The following ANKS1B variants were observed in gnomAD, a reference collection of about 807,000 sequenced individuals.
ANKS1B encodes the protein ankyrin repeat and sterile alpha motif domain containing 1B.
Under a neutral mutation model 148.3 loss-of-function variants are expected in ANKS1B, and 36 were observed. The ratio of observed to expected loss-of-function variants is 0.24; its 90% confidence interval spans 0.19 to 0.32. ANKS1B has a LOEUF of 0.32. ANKS1B is among the 10% of genes least tolerant of loss of function. ANKS1B has a pLI of 1.00. For synonymous variants in ANKS1B, 542 were observed against 560.8 expected, an observed-to-expected ratio of 0.97 and a Z score of 0.47; for missense variants, 1,157 against 1,542.6, an observed-to-expected ratio of 0.75 and a Z score of 4.19.
chr12:99,124,473 T>A (rs1398619785), intron 15 of ANKS1B, among the ~76,000 whole-genome samples: 4 of 149,978 alleles, frequency 2.7e-5, no homozygotes, highest in Non-Finnish European at 5.9e-5. Context: ...GATGCCTTAA[T>A]GTTGAGATTT....
intron 17 of ANKS1B, among the ~76,000 whole-genome samples, chr12:99,006,094 A>G (rs777332402): frequency 2.0e-5 from 3 of 152,192 alleles, no homozygotes; most frequent in Non-Finnish European, 4.4e-5. Flanking sequence ...CAGATTCTAT[A>G]CCTTGGGTTA....
intron 16 of ANKS1B, among the ~76,000 whole-genome samples, chr12:99,071,794 G>A (rs923150923): frequency 1.3e-5 from 2 of 151,906 alleles, no homozygotes; most frequent in South Asian, 4.2e-4. Flanking sequence ...ACTAAGGTGC[G>A]CGCCACCATG....
intron 1 of ANKS1B, among the ~76,000 whole-genome samples, chr12:99,938,647 T>C (rs1030792600): frequency 1.3e-5 from 2 of 152,158 alleles, no homozygotes; most frequent in Non-Finnish European, 2.9e-5. Context: ...GCCCACATGC[T>C]AGAGAAAACC....
intron 17 of ANKS1B, among the ~76,000 whole-genome samples, chr12:99,019,233 C>G (rs1346745318): frequency 6.6e-6 from 1 of 152,128 alleles, no homozygotes; most frequent in Non-Finnish European, 1.5e-5. Context: ...TAAACCTATT[C>G]AAAATTTATA....
chr12:98,985,581 T>C (rs1361300972), intron 17 of ANKS1B, among the ~76,000 whole-genome samples: 3 of 151,774 alleles, frequency 2.0e-5, no homozygotes, highest in African/African-American at 7.2e-5. Context: ...TCTTAACAAA[T>C]AACACCCTAC....
chr12:99,897,720 G>A (rs2093432793), intron 1 of ANKS1B, among the ~76,000 whole-genome samples: 2 of 150,918 alleles, frequency 1.3e-5, no homozygotes, highest in Admixed American at 6.6e-5. Flanking sequence ...AGGACGGGGA[G>A]CCATTTTGGC....
At chr12:99,446,673 A>G (rs746972063) in intron 10 of ANKS1B, among the ~76,000 whole-genome samples, 1 of 152,114 alleles carries the variant, frequency 6.6e-6, no homozygotes, top group Non-Finnish European at 1.5e-5. Context: ...CATAGCCTGA[A>G]GAAGATCGGC....
chr12:99,452,831 T>C (rs2095769615), intron 10 of ANKS1B, among the ~76,000 whole-genome samples: 1 of 152,208 alleles, frequency 6.6e-6, no homozygotes, highest in Non-Finnish European at 1.5e-5. Context: ...TCACCAACAA[T>C]AGTGTTAAAT....
chr12:99,111,964 CT>C (rs2060378935), intron 15 of ANKS1B, among the ~76,000 whole-genome samples: 3 of 152,150 alleles, frequency 2.0e-5, no homozygotes, highest in African/African-American at 7.2e-5. Context: ...CAATTACAGC[CT>C]TAAACTTCTA....
Position 98,891,515 on chromosome 12 carries a change from T to C in ANKS1B, c.2779-59379A>G, listed in dbSNP as rs11612612. Among the ~76,000 whole-genome samples the C allele has an allele frequency of 8.9e-3, 1,356 of 152,284 alleles. 10 individuals carry two copies. The highest frequency in any genetic ancestry group is 0.015 in the Non-Finnish European group (1,007 of 68,006). ...ATTATAAGAAAGGTTAATTTTTGCA[T>C]AAAAATTACATCTACATAAAAATAA... On this transcript the variant is annotated intron_variant, in intron 17 of 26. Coordinates refer to ENST00000683438, the MANE Select transcript of ANKS1B (RefSeq NM_001352186.2).
At chr12:99,267,440 C>G (rs1215732848) in intron 12 of ANKS1B, among the ~76,000 whole-genome samples, 4 of 151,872 alleles carry the variant, frequency 2.6e-5, no homozygotes, top group African/African-American at 7.3e-5. Context: ...ATTTTTGGAG[C>G]CTGTTATTGT....
At chr12:99,973,199 T>G (rs766685711) in intron 1 of ANKS1B, among the ~76,000 whole-genome samples, 13 of 152,134 alleles carry the variant, frequency 8.5e-5, no homozygotes, top group African/African-American at 1.2e-4. Flanking sequence ...GATTGAGGAG[T>G]AATTTTGGCT....
At chr12:99,219,629 A>G (rs752630243) in intron 14 of ANKS1B, among the ~76,000 whole-genome samples, 11 of 152,196 alleles carry the variant, frequency 7.2e-5, no homozygotes, top group Non-Finnish European at 1.3e-4. Flanking sequence ...AAGTACACAA[A>G]AAGATGCCTT....
At chr12:99,166,681 C>T (rs1402014847) in intron 14 of ANKS1B, among the ~76,000 whole-genome samples, 1 of 152,012 alleles carries the variant, frequency 6.6e-6, no homozygotes, top group Non-Finnish European at 1.5e-5. Flanking sequence ...CATATCTGTT[C>T]TTCCCAAATA....
chr12:99,803,979 T>C (rs1404175889), intron 4 of ANKS1B, among the ~76,000 whole-genome samples: 2 of 152,216 alleles, frequency 1.3e-5, no homozygotes, highest in Admixed American at 6.5e-5. Context: ...TTTTGGTTTT[T>C]TATTCTCCAA....
At chr12:99,355,506 A>G (rs938040068) in intron 12 of ANKS1B, among the ~76,000 whole-genome samples, 1 of 152,168 alleles carries the variant, frequency 6.6e-6, no homozygotes, top group Non-Finnish European at 1.5e-5. Flanking sequence ...GAATCATATT[A>G]TTCAGAATTA....
intron 9 of ANKS1B, among the ~76,000 whole-genome samples, chr12:99,598,885 G>A (rs141191063): frequency 6.6e-6 from 1 of 152,234 alleles, no homozygotes; most frequent in East Asian, 1.9e-4. Flanking sequence ...GGATGCCAGA[G>A]TCTGAAATCA....
chr12:99,917,783 T>C (rs943358649), intron 1 of ANKS1B, among the ~76,000 whole-genome samples: 20 of 152,202 alleles, frequency 1.3e-4, no homozygotes, highest in African/African-American at 4.8e-4. Context: ...AGAATAACTG[T>C]CTAAAGGATT....
At chr12:98,851,479 CTGTT>C (rs1179815542) in intron 17 of ANKS1B, among the ~76,000 whole-genome samples, 3 of 152,098 alleles carry the variant, frequency 2.0e-5, no homozygotes, top group Non-Finnish European at 4.4e-5. Flanking sequence ...CAGGACATGT[CTGTT>C]TATGGTTTCA....
Sources: allele counts gnomAD v4.1 joint callset (sites outside exome capture counted in the v4.1 genomes callset), GRCh38; gene constraint gnomAD v4.1.1; transcripts MANE v1.5; gene names NCBI Gene and HGNC (gene_info 2026-07-23, HGNC 2026-07-21).